The following TAF3 variants were observed in gnomAD, a reference collection of about 807,000 sequenced individuals.
TAF3 encodes TATA-box binding protein associated factor 3.
TAF3 carries 7 observed loss-of-function variants against 80.6 expected under a neutral mutation model. The observed-to-expected ratio is 0.09, with a 90% CI of 0.05 to 0.16. The LOEUF is 0.16. Ranked by LOEUF, TAF3 falls within the 10% of genes least tolerant of loss-of-function variation. The pLI, the probability that TAF3 is intolerant of heterozygous loss-of-function variation, is 1.00. For missense variants in TAF3, 921 were observed against 1,140.2 expected (o/e 0.81, Z 2.77); for synonymous variants, 444 against 446.1 (o/e 1.00, Z 0.06).
At chr10:7,941,640 C>T (rs1303467674) in intron 2 of TAF3, among the ~76,000 whole-genome samples, 2 of 152,214 alleles carry the variant, frequency 1.3e-5, no homozygotes, top group African/African-American at 4.8e-5. Flanking sequence ...CCGATGCCTT[C>T]GAGGCTGTGA....
intron 2 of TAF3, among the ~76,000 whole-genome samples, chr10:7,933,888 G>A (rs930539695): frequency 4.6e-5 from 7 of 152,156 alleles, no homozygotes; most frequent in African/African-American, 9.7e-5. Context: ...TTTTCCCCCC[G>A]ATTTTAGCAT....
chr10:7,942,315 C>G (rs1837983739), intron 2 of TAF3, among the ~76,000 whole-genome samples: 1 of 152,100 alleles, frequency 6.6e-6, no homozygotes, highest in South Asian at 2.1e-4. Context: ...AATATTTTAT[C>G]AAACATATTT....
At chr10:7,930,983 A>C (rs968766121) in intron 2 of TAF3, among the ~76,000 whole-genome samples, 1 of 152,188 alleles carries the variant, frequency 6.6e-6, no homozygotes, top group Non-Finnish European at 1.5e-5. Flanking sequence ...GCTGCACACT[A>C]TAAATAGAAC....
At chr10:7,833,437 G>A (rs962753610) in intron 2 of TAF3, among the ~76,000 whole-genome samples, 10 of 152,068 alleles carry the variant, frequency 6.6e-5, no homozygotes, top group Admixed American at 3.3e-4. Flanking sequence ...TTTTATTTCT[G>A]TAATGATTAG....
chr10:7,831,424 C>A (rs1283363042), intron 2 of TAF3, among the ~76,000 whole-genome samples: 1 of 152,128 alleles, frequency 6.6e-6, no homozygotes. Flanking sequence ...TGGCTCACTG[C>A]AACCTCTGCC....
At chr10:7,933,540 C>T (rs1837888893) in intron 2 of TAF3, among the ~76,000 whole-genome samples, 1 of 152,186 alleles carries the variant, frequency 6.6e-6, no homozygotes, top group African/African-American at 2.4e-5. Context: ...TGCTGGGTTT[C>T]CTGTCTCTCC....
chr10:7,971,549 TG>T (rs1196664100), intron 3 of TAF3, among the ~76,000 whole-genome samples: 2 of 152,132 alleles, frequency 1.3e-5, no homozygotes, highest in African/African-American at 4.8e-5. Context: ...CCATTACCTT[TG>T]CAGAAAGTCC....
At chr10:8,012,516 A>G (rs535706689) in intron 5 of TAF3, among the ~76,000 whole-genome samples, 1 of 152,354 alleles carries the variant, frequency 6.6e-6, no homozygotes, top group Non-Finnish European at 1.5e-5. Flanking sequence ...TCTGACTTCA[A>G]GCAAGGTCAG....
rs186265997 is a variant in TAF3, at chr10:7,956,086, T to A, written c.410-7834T>A. Reference sequence around the variant, plus strand: ...ATAATTAGGTAATTATATTAATAGATGTAGTTATATAATACATATGTTAAT... The same window carrying A: ...ATAATTAGGTAATTATATTAATAGAAGTAGTTATATAATACATATGTTAAT... On this transcript the variant is annotated intron_variant, in intron 2 of 6. Transcript: ENST00000344293. 5.9e-5 allele frequency among the ~76,000 whole-genome samples: 9 copies of A among 152,364 alleles called. No homozygotes were observed. In the East Asian group the frequency reaches 1.7e-3, roughly 29 times the overall value.
At chr10:7,896,301 CA>C (rs368686311) in intron 2 of TAF3, among the ~76,000 whole-genome samples, 41 of 152,260 alleles carry the variant, frequency 2.7e-4, no homozygotes, top group African/African-American at 9.6e-4. Context: ...AGACCAAAAC[CA>C]ATTCTTGCCA....
intron 2 of TAF3, among the ~76,000 whole-genome samples, chr10:7,838,622 TCCAC>T (rs1836876809): frequency 6.6e-6 from 1 of 152,188 alleles, no homozygotes; most frequent in East Asian, 1.9e-4. Flanking sequence ...CCTCAGGTGA[TCCAC>T]CCACCTAGGC....
At chr10:7,857,281 A>G (rs1837090649) in intron 2 of TAF3, among the ~76,000 whole-genome samples, 1 of 152,246 alleles carries the variant, frequency 6.6e-6, no homozygotes, top group South Asian at 2.1e-4. Context: ...CAGCTCACTT[A>G]TAAATGTAAT....
At chr10:7,920,297 T>C (rs1277347425) in intron 2 of TAF3, among the ~76,000 whole-genome samples, 3 of 121,360 alleles carry the variant, frequency 2.5e-5, no homozygotes, top group Non-Finnish European at 5.1e-5. Flanking sequence ...AATTTAAACA[T>C]ACGTGTGTGT....
intron 4 of TAF3, among the ~76,000 whole-genome samples, chr10:7,983,659 G>A (rs754072489): frequency 1.5e-4 from 23 of 151,976 alleles, no homozygotes; most frequent in Non-Finnish European, 3.4e-4. Flanking sequence ...CATTTCATAG[G>A]TATTTTGCCT....
At chr10:7,819,736 T>C (rs1836671144) in intron 1 of TAF3, among the ~76,000 whole-genome samples, 1 of 152,058 alleles carries the variant, frequency 6.6e-6, no homozygotes, top group Admixed American at 6.5e-5. Context: ...TCATTTTAGT[T>C]TCAAGTCATG....
intron 2 of TAF3, among the ~76,000 whole-genome samples, chr10:7,904,925 C>T (rs1211440690): frequency 1.3e-5 from 2 of 152,154 alleles, no homozygotes; most frequent in Admixed American, 6.5e-5. Flanking sequence ...ACCCGCTCCT[C>T]CTCCACACTG....
rs931258188 is a variant in TAF3, at chr10:8,004,455, T to C, written c.2316-4623T>C. ...GGCCCTAGGACGAAAAATTTGAGAA[T>C]TGTTGCTTTAGAATTTTTTTTTTTA... On this transcript the variant is annotated intron_variant, in intron 4 of 6. Transcript: ENST00000344293. 5.9e-5 allele frequency among the ~76,000 whole-genome samples: 9 copies of C among 152,160 alleles called. No individual in the cohort carries two copies. The East Asian group carries it at 7.7e-4, about 13-fold the overall frequency.
At chr10:7,950,175 T>A (rs1838068705) in intron 2 of TAF3, among the ~76,000 whole-genome samples, 1 of 152,206 alleles carries the variant, frequency 6.6e-6, no homozygotes, top group African/African-American at 2.4e-5. Context: ...CAAACAGTTA[T>A]AAATTGCGAC....
At chr10:7,836,040 T>A (rs536930090) in intron 2 of TAF3, among the ~76,000 whole-genome samples, 2 of 152,206 alleles carry the variant, frequency 1.3e-5, no homozygotes, top group South Asian at 4.1e-4. Flanking sequence ...CCTTATATGA[T>A]GAGCTCCATC....
Sources: allele counts gnomAD v4.1 joint callset (sites outside exome capture counted in the v4.1 genomes callset), GRCh38; gene constraint gnomAD v4.1.1; transcripts MANE v1.5; gene names NCBI Gene and HGNC (gene_info 2026-07-23, HGNC 2026-07-21).